RSRC1: variants seen among roughly 807,000 people sequenced by gnomAD.
RSRC1 encodes the protein serine/Arginine-related protein 53.
RSRC1 carries 39 observed loss-of-function variants against 49.1 expected under a neutral mutation model. That is an observed-to-expected ratio of 0.79 (90% confidence interval 0.61 to 1.04). RSRC1 has a LOEUF of 1.04. Ranked by LOEUF, RSRC1 falls within the 50% of genes least tolerant of loss-of-function variation. RSRC1 has a pLI of 0.00. For synonymous variants in RSRC1, 143 were observed against 130.8 expected (o/e 1.09, Z -0.63); for missense variants, 388 against 402.4 (o/e 0.96, Z 0.31).
chr3:158,321,575 T>TTTA, intron 5 of RSRC1, among the ~76,000 whole-genome samples: 1 of 148,094 alleles, frequency 6.8e-6, no homozygotes, highest in African/African-American at 2.5e-5. Context: ...TTTTTTTTTT[T>TTTA]AAACACACTA....
chr3:158,515,019 T>G (rs1196868444), intron 7 of RSRC1, among the ~76,000 whole-genome samples: 12 of 151,538 alleles, frequency 7.9e-5, no homozygotes, highest in Admixed American at 2.0e-4. Context: ...GTCTCTGCAC[T>G]TGAGATGGGT....
At chr3:158,432,563 C>T (rs1174232822) in intron 6 of RSRC1, among the ~76,000 whole-genome samples, 1 of 151,926 alleles carries the variant, frequency 6.6e-6, no homozygotes, top group Non-Finnish European at 1.5e-5. Context: ...AAGCTATCTG[C>T]AGTCTCTTCC....
chr3:158,266,388 G>A (rs1725175108), intron 4 of RSRC1, among the ~76,000 whole-genome samples: 1 of 151,942 alleles, frequency 6.6e-6, no homozygotes, highest in South Asian at 2.1e-4. Flanking sequence ...TATATATTTT[G>A]AGCTTATGTA....
intron 7 of RSRC1, among the ~76,000 whole-genome samples, chr3:158,521,352 C>T (rs956418533): frequency 2.6e-5 from 4 of 152,018 alleles, no homozygotes; most frequent in African/African-American, 7.2e-5. Flanking sequence ...CCCACATCTT[C>T]GGAACCCCTT....
intron 3 of RSRC1, among the ~76,000 whole-genome samples, chr3:158,167,054 T>A (rs4320039): frequency 0.63 from 95,849 of 151,978 alleles, 30,854 homozygotes; most frequent in East Asian, 0.73. Flanking sequence ...GTAGTCAGAA[T>A]TATACATTCT....
rs565752738 is a variant in RSRC1 at position 158,364,681 on chromosome 3, G to T, written c.583+9773G>T. On this transcript the variant is annotated intron_variant, in intron 6 of 9. Coordinates refer to ENST00000611884, the MANE Select transcript of RSRC1 (RefSeq NM_001271838.2). ...GTTAATGTTAGCAGTAAGTATGAAAGACAATATTGTATGGTGGTGAAGTCC... is the reference window on the plus strand; with the variant it reads ...GTTAATGTTAGCAGTAAGTATGAAATACAATATTGTATGGTGGTGAAGTCC... Among the ~76,000 whole-genome samples, 14 of 152,096 alleles carry T rather than the reference G, an allele frequency of 9.2e-5. No homozygotes were observed. In the South Asian group the frequency reaches 2.5e-3, roughly 27 times the overall value.
chr3:158,125,325 A>G (rs1157272140), intron 3 of RSRC1, among the ~76,000 whole-genome samples: 1 of 151,030 alleles, frequency 6.6e-6, no homozygotes, highest in East Asian at 1.9e-4. Flanking sequence ...ATGATATGAG[A>G]CTTTTCTTTT....
chr3:158,393,784 G>A lies in RSRC1; in HGVS notation c.583+38876G>A, dbSNP rs1733458986. ...TACTGAAACTATTCCAAAGTTAGGA[G>A]CTCCTCACTAACTTTTTCTATGAGG... On this transcript the variant is annotated intron_variant, in intron 6 of 9. Coordinates refer to ENST00000611884, the MANE Select transcript of RSRC1 (RefSeq NM_001271838.2). Among the ~76,000 whole-genome samples the A allele has an allele frequency of 2.7e-5, 4 of 150,568 alleles. No individual in the cohort carries two copies. In the South Asian group the frequency reaches 8.3e-4, roughly 31 times the overall value.
chr3:158,299,396 C>T (rs988193565), intron 5 of RSRC1, among the ~76,000 whole-genome samples: 12 of 151,752 alleles, frequency 7.9e-5, no homozygotes, highest in African/African-American at 1.9e-4. Context: ...TGCAGTGGTG[C>T]GATCTCAGCT....
intron 4 of RSRC1, among the ~76,000 whole-genome samples, chr3:158,212,520 T>C (rs1050736489): frequency 2.6e-5 from 4 of 151,964 alleles, no homozygotes; most frequent in Non-Finnish European, 5.9e-5. Context: ...ATTCCAGTCC[T>C]GATTGATCAC....
intron 7 of RSRC1, among the ~76,000 whole-genome samples, chr3:158,471,286 T>C (rs1256125772): frequency 6.6e-6 from 1 of 152,176 alleles, no homozygotes; most frequent in East Asian, 1.9e-4. Context: ...TCAACAACAC[T>C]TCAGTAACAT....
intron 3 of RSRC1, among the ~76,000 whole-genome samples, chr3:158,165,735 A>G (rs778464299): frequency 2.0e-5 from 3 of 152,230 alleles, no homozygotes; most frequent in Non-Finnish European, 2.9e-5. Context: ...GTATTCTTTT[A>G]TCACTGTCTC....
At chr3:158,314,778 G>T (rs1177621781) in intron 5 of RSRC1, among the ~76,000 whole-genome samples, 2 of 152,162 alleles carry the variant, frequency 1.3e-5, no homozygotes, top group Non-Finnish European at 2.9e-5. Flanking sequence ...AAAAAATGTA[G>T]TGTCTTATAT....
intron 7 of RSRC1, among the ~76,000 whole-genome samples, chr3:158,477,826 A>ATATATATATATATATATATATATATATG (rs1491151938): frequency 7.4e-6 from 1 of 134,604 alleles, no homozygotes. Flanking sequence ...ATATATATAT[A>ATATATATATATATATATATATATATATG]TGAAAGCCCT....
chr3:158,408,094 T>G (rs1278020534), intron 6 of RSRC1, among the ~76,000 whole-genome samples: 3 of 152,200 alleles, frequency 2.0e-5, no homozygotes, highest in African/African-American at 7.2e-5. Flanking sequence ...CAGGGAATGA[T>G]ATACAGTGTC....
chr3:158,261,586 G>T (rs969239819), intron 4 of RSRC1, among the ~76,000 whole-genome samples: 9 of 152,190 alleles, frequency 5.9e-5, no homozygotes, highest in African/African-American at 1.7e-4. Context: ...GTGAGTTGTG[G>T]AGTAGCAAGC....
chr3:158,145,988 A>G (rs1717082931), intron 3 of RSRC1, among the ~76,000 whole-genome samples: 1 of 152,176 alleles, frequency 6.6e-6, no homozygotes, highest in Non-Finnish European at 1.5e-5. Context: ...TTGTATCCTG[A>G]GACTTTGCTG....
chr3:158,260,635 C>T (rs1168816057), intron 4 of RSRC1, among the ~76,000 whole-genome samples: 4 of 152,152 alleles, frequency 2.6e-5, no homozygotes, highest in African/African-American at 9.7e-5. Flanking sequence ...TTGAGGCTTG[C>T]CCAGGAATTA....
intron 4 of RSRC1, among the ~76,000 whole-genome samples, chr3:158,285,803 G>A (rs1474843876): frequency 2.0e-5 from 3 of 152,186 alleles, no homozygotes; most frequent in South Asian, 2.1e-4. Flanking sequence ...CTGAGACAGT[G>A]GGGTTTTCTA....
Sources: gnomAD v4.1 joint callset for allele counts (sites outside exome capture counted in the v4.1 genomes callset) on GRCh38, gnomAD v4.1.1 for gene constraint, MANE v1.5 for transcripts, NCBI Gene and HGNC (gene_info 2026-07-23, HGNC 2026-07-21) for gene names.